LAMC2: variants seen among roughly 807,000 people sequenced by gnomAD.
LAMC2 encodes the protein laminin subunit gamma-2.
LAMC2 carries 97 observed loss-of-function variants against 140.2 expected under a neutral mutation model. The observed-to-expected ratio is 0.69, with a 90% confidence interval of 0.59 to 0.82. The LOEUF (loss-of-function observed/expected upper bound fraction) is 0.82. Among genes scored for constraint, LAMC2 ranks in the 40% least tolerant of loss-of-function variants. The probability of loss-of-function intolerance (pLI) is 0.00; values close to 1 mark genes in which losing one functional copy is unlikely to be tolerated. For missense variants in LAMC2, 1,402 were observed against 1,476.1 expected, an observed-to-expected ratio of 0.95 and a Z score of 0.82; for synonymous variants, 513 against 540.2, an observed-to-expected ratio of 0.95 and a Z score of 0.70.
At chr1:183,189,572 G>T (rs1571495729) in intron 1 of LAMC2, among the ~76,000 whole-genome samples, 1 of 152,206 alleles carries the variant, frequency 6.6e-6, no homozygotes, top group East Asian at 1.9e-4. Flanking sequence ...TATAAATTTG[G>T]GGGCCCAGAG....
intron 1 of LAMC2, among the ~76,000 whole-genome samples, chr1:183,207,167 T>C (rs1166317624): frequency 1.3e-5 from 2 of 152,224 alleles, no homozygotes; most frequent in Non-Finnish European, 2.9e-5. Flanking sequence ...TCCGAGACCA[T>C]GACGGAAACA....
At chr1:183,226,108 C>CTG (rs1351573368) in intron 8 of LAMC2, among the ~76,000 whole-genome samples, 1 of 150,850 alleles carries the variant, frequency 6.6e-6, no homozygotes, top group African/African-American at 2.4e-5. Flanking sequence ...CCATGCTAGC[C>CTG]TGTCTGAGTC....
intron 20 of LAMC2, 120 bp from the exon 21 acceptor site, chr1:183,239,920 C>T: frequency 9.3e-7 from 1 of 1,079,332 alleles, no homozygotes; most frequent in Non-Finnish European, 1.4e-6. Flanking sequence ...TCTCATTATT[C>T]ATCTAATTTA....
At chr1:183,186,577 C>A in intron 1 of LAMC2, 146 bp downstream of exon 1, 2 of 756,290 alleles carry the variant, frequency 2.6e-6, no homozygotes, top group Non-Finnish European at 4.0e-6. Context: ...CTATCTGGGG[C>A]TCCTCCAGAG....
At chr1:183,221,008 G>A in intron 5 of LAMC2, 47 bp downstream of exon 5, 2 of 1,584,512 alleles carry the variant, frequency 1.3e-6, no homozygotes, top group Non-Finnish European at 1.7e-6. Context: ...TGTTGTACAG[G>A]GCTTTGTGTT....
intron 1 of LAMC2, among the ~76,000 whole-genome samples, chr1:183,199,867 G>A (rs1571504536): frequency 6.6e-6 from 1 of 152,210 alleles, no homozygotes; most frequent in African/African-American, 2.4e-5. Context: ...GCCAGAGGTG[G>A]GAAAGGGTTA....
intron 1 of LAMC2, among the ~76,000 whole-genome samples, chr1:183,186,848 A>T (rs958608822): frequency 2.0e-5 from 3 of 152,236 alleles, no homozygotes; most frequent in Admixed American, 2.0e-4. Context: ...CCTCTTCAAT[A>T]ATCCTGTAAT....
At chr1:183,227,395 A>G in intron 9 of LAMC2, 120 bp from the exon 10 acceptor site, 1 of 990,870 alleles carries the variant, frequency 1.0e-6, no homozygotes, top group East Asian at 2.4e-5. Context: ...GTGCTCAGGC[A>G]CTTTGGGGAA....
At chr1:183,238,189 C>CA in intron 18 of LAMC2, 118 bp from the exon 19 acceptor site, 1 of 751,180 alleles carries the variant, frequency 1.3e-6, no homozygotes, top group Non-Finnish European at 2.3e-6. Context: ...TTTGCTACAG[C>CA]ACCCCTAGAC....
At chr1:183,213,664 G>A (rs1446348581) in intron 2 of LAMC2, among the ~76,000 whole-genome samples, 1 of 150,300 alleles carries the variant, frequency 6.7e-6, no homozygotes, top group African/African-American at 2.5e-5. Flanking sequence ...GCCAGGTGTG[G>A]TGGCACATGC....
At chr1:183,242,830 T>G (rs1031928756) in intron 22 of LAMC2, among the ~76,000 whole-genome samples, 10 of 145,978 alleles carry the variant, frequency 6.9e-5, no homozygotes, top group African/African-American at 2.6e-4. Flanking sequence ...CCCTATGACC[T>G]TCAGTCCTCT....
chr1:183,224,558 A>G (rs906861854), intron 7 of LAMC2, among the ~76,000 whole-genome samples: 6 of 152,186 alleles, frequency 3.9e-5, no homozygotes, highest in African/African-American at 1.4e-4. Flanking sequence ...GAGTGGCTCA[A>G]CTGAGAGTGG....
intron 2 of LAMC2, among the ~76,000 whole-genome samples, chr1:183,212,695 T>A (rs1462877148): frequency 2.6e-5 from 4 of 152,206 alleles, no homozygotes; most frequent in Non-Finnish European, 4.4e-5. Flanking sequence ...CAGATGAACA[T>A]TTCCACCTTT....
chr1:183,246,263 G>A (rs184621489), downstream of LAMC2, among the ~76,000 whole-genome samples: 2 of 152,046 alleles, frequency 1.3e-5, no homozygotes, highest in Admixed American at 6.5e-5. Context: ...ATGACTTATG[G>A]TACTTCCCTT....
At chr1:183,223,056 C>T (rs978474498) in intron 6 of LAMC2, 79 bp from the exon 7 acceptor site, 3 of 1,351,584 alleles carry the variant, frequency 2.2e-6, no homozygotes, top group East Asian at 2.3e-5. Context: ...CAGAAATTGC[C>T]GACACCAGTG....
intron 22 of LAMC2, 68 bp downstream of exon 22, chr1:183,240,459 A>G (rs1181762173): frequency 1.3e-6 from 2 of 1,592,148 alleles, no homozygotes; most frequent in African/African-American, 1.4e-5. Flanking sequence ...AACACTCACT[A>G]TACCTAGCCC....
intron 1 of LAMC2, among the ~76,000 whole-genome samples, chr1:183,206,362 C>T (rs966867156): frequency 3.9e-5 from 6 of 152,058 alleles, no homozygotes; most frequent in South Asian, 4.1e-4. Context: ...ACGTGGTCAC[C>T]GCTGGGCACG....
intron 9 of LAMC2, 73 bp downstream of exon 9, chr1:183,226,989 A>T (rs1160532976): frequency 2.5e-6 from 3 of 1,185,192 alleles, no homozygotes; most frequent in Non-Finnish European, 3.7e-6. Flanking sequence ...AAGAAAGACC[A>T]TGGCTGAACT....
chr1:183,203,520 G>A (rs942135349), intron 1 of LAMC2, among the ~76,000 whole-genome samples: 6 of 149,982 alleles, frequency 4.0e-5, no homozygotes, highest in African/African-American at 1.5e-4. Flanking sequence ...GTAATAAATG[G>A]TTTTAGGGAA....
Sources: gnomAD v4.1 joint callset for allele counts (sites outside exome capture counted in the v4.1 genomes callset) on GRCh38, gnomAD v4.1.1 for gene constraint, MANE v1.5 for transcripts, NCBI Gene and HGNC (gene_info 2026-07-23, HGNC 2026-07-21) for gene names.